The following HS1BP3 variants were observed in gnomAD, a reference collection of about 807,000 sequenced individuals.
The protein encoded by HS1BP3 is HCLS1-binding protein 3.
In HS1BP3, 32 loss-of-function variants were observed where a neutral mutation model predicts 33.5. That is an observed-to-expected ratio of 0.95 (90% confidence interval 0.72 to 1.28). The LOEUF (loss-of-function observed/expected upper bound fraction) is 1.28. Ranked by LOEUF, HS1BP3 falls within the 50% of genes most tolerant of loss-of-function variation. The pLI, the probability that HS1BP3 is intolerant of heterozygous loss-of-function variation, is 0.00. For missense variants in HS1BP3, 486 were observed against 502.3 expected, an observed-to-expected ratio of 0.97 and a Z score of 0.31; for synonymous variants, 187 against 209.2, an observed-to-expected ratio of 0.89 and a Z score of 0.92.
downstream of HS1BP3, among the ~76,000 whole-genome samples, chr2:20,559,918 G>C (rs143221229): frequency 8.7e-4 from 133 of 152,316 alleles, no homozygotes; most frequent in African/African-American, 3.1e-3. Context: ...CTCCTGAAAG[G>C]TCACAAGGCA....
rs555332265 is a variant in HS1BP3, at chr2:20,651,085, C to A, written c.-22G>T. ...GCATGACGGCGGCGGGGACTCCGGG[C>A]GGGGCGCGCAGTCACGGGACCCGGC... On this transcript the variant is annotated 5_prime_UTR_variant, in exon 1 of 7. Transcript: ENST00000304031. 3.4e-5 allele frequency: 42 copies of A among 1,229,554 alleles called. No homozygotes were observed. The highest frequency in any genetic ancestry group is 4.1e-5 in the Non-Finnish European group (40 of 986,428). 76.2% of individuals were successfully genotyped at this position (1,229,554 alleles called of 1,614,324 possible). A position where few individuals can be genotyped will look rare whatever the true frequency, so the allele number is the denominator to read the frequency against.
At position 20,638,628 on chromosome 2, in the gene HS1BP3, C is replaced by A. The variant is rs1695240331; in HGVS notation, c.431G>T (p.Gly144Val). Residue 144 changes from glycine to valine, a missense_variant, in exon 4 of 7, where the codon GGG becomes GTG. Physicochemically the swap from Gly to Val is moderately radical, Grantham distance 109. Transcript: ENST00000304031. ...FLGTRSPGAA[G>V]LTSRDSSVLD... Reference sequence around the variant, plus strand: ...GACAGAGGAATCTCTGCTGGTGAGCCCTGCAGCCCCTGGGGATCTGGTACC... The same window carrying A: ...GACAGAGGAATCTCTGCTGGTGAGCACTGCAGCCCCTGGGGATCTGGTACC... 1 of 1,613,886 alleles carries A rather than the reference C, an allele frequency of 6.2e-7. No individual in the cohort carries two copies. Among genetic ancestry groups the A allele is most frequent in the Non-Finnish European group, 8.5e-7 (1 of 1,179,958 alleles).
At chr2:20,616,863 G>A (rs973434796), downstream of HS1BP3, among the ~76,000 whole-genome samples, 3 of 152,266 alleles carry the variant, frequency 2.0e-5, no homozygotes, top group East Asian at 1.9e-4. Flanking sequence ...TTTATCAGGC[G>A]ACAAGGATCA....
chr2:20,623,495 C>A, intron 6 of HS1BP3: 2 of 156,322 alleles, frequency 1.3e-5, no homozygotes, highest in Non-Finnish European at 2.8e-5. Flanking sequence ...ATCACCAAGA[C>A]ATCTGCACTT....
chr2:20,609,626 T>C (rs1206889030), intron 2 of HS1BP3, among the ~76,000 whole-genome samples: 1 of 152,200 alleles, frequency 6.6e-6, no homozygotes, highest in East Asian at 1.9e-4. Context: ...TGAGCCACCA[T>C]GCAGTTAATT....
chr2:20,631,553 A>G (rs6531251), intron 4 of HS1BP3, among the ~76,000 whole-genome samples: 98 of 107,876 alleles, frequency 9.1e-4, no homozygotes, highest in Non-Finnish European at 1.3e-3. Context: ...AAAAAAAAAA[A>G]GGGGCCAGCC....
intron 3 of HS1BP3, chr2:20,640,214 T>A (rs1366960750): frequency 6.6e-6 from 1 of 152,298 alleles, no homozygotes; most frequent in East Asian, 1.9e-4. Context: ...GGGGCATCTG[T>A]GAGACCAGGG....
chr2:20,572,261 C>T (rs1263416048), intron 5 of HS1BP3, among the ~76,000 whole-genome samples: 1 of 152,206 alleles, frequency 6.6e-6, no homozygotes, highest in Non-Finnish European at 1.5e-5. Flanking sequence ...CTCCTTCCAG[C>T]TCAGAACACC....
At position 20,623,789 on chromosome 2, in the gene HS1BP3, C is replaced by G. The variant is rs538436579; in HGVS notation, c.920+107G>C. 5 of 1,294,898 alleles carry G rather than the reference C, an allele frequency of 3.9e-6. No individual in the cohort carries two copies. In the South Asian group the frequency reaches 4.7e-5, roughly 12 times the overall value. 80.2% of individuals were successfully genotyped at this position (1,294,898 alleles called of 1,614,324 possible). A position where few individuals can be genotyped will look rare whatever the true frequency, so the allele number is the denominator to read the frequency against. On this transcript the variant is annotated intron_variant, in intron 6 of 6. Transcript: ENST00000304031. ...CTTCTACTTTTCACAGGCCTGGGGT[C>G]CTCCCCTCAGAGGAGGCTGGGGCTG...
intron 2 of HS1BP3, among the ~76,000 whole-genome samples, chr2:20,598,702 G>A (rs1179606245): frequency 6.7e-6 from 1 of 150,088 alleles, no homozygotes; most frequent in Admixed American, 6.6e-5. Flanking sequence ...GGGACTACAG[G>A]CGCCCGCCAC....
At chr2:20,558,322 C>T (rs998245832), downstream of HS1BP3, among the ~76,000 whole-genome samples, 2 of 152,184 alleles carry the variant, frequency 1.3e-5, no homozygotes, top group African/African-American at 4.8e-5. Context: ...ACCTACTTGG[C>T]TTCCAGGGAG....
chr2:20,621,017 G>A (rs1029923183), intron 6 of HS1BP3, among the ~76,000 whole-genome samples: 1 of 152,266 alleles, frequency 6.6e-6, no homozygotes, highest in Non-Finnish European at 1.5e-5. Context: ...GGTGAGCCTG[G>A]CATGAATAGG....
chr2:20,645,313 A>T (rs780912661), intron 2 of HS1BP3, 27 bp downstream of exon 2: 1 of 1,603,018 alleles, frequency 6.2e-7, no homozygotes, highest in East Asian at 2.2e-5. Context: ...CACCCTCGAA[A>T]CATCCTGGCC....
At chr2:20,597,990 G>T (rs543147472) in intron 3 of HS1BP3, among the ~76,000 whole-genome samples, 1 of 152,262 alleles carries the variant, frequency 6.6e-6, no homozygotes, top group Admixed American at 6.5e-5. Context: ...AATCCTGGCT[G>T]GGTAGGTCAG....
chr2:20,648,028 T>C (rs1473777299), intron 1 of HS1BP3, among the ~76,000 whole-genome samples: 2 of 152,192 alleles, frequency 1.3e-5, no homozygotes, highest in Non-Finnish European at 2.9e-5. Context: ...CCTGGGACTG[T>C]AGACAAACTG....
chr2:20,593,894 A>G (rs1051806647), intron 3 of HS1BP3, among the ~76,000 whole-genome samples: 1 of 152,216 alleles, frequency 6.6e-6, no homozygotes, highest in Non-Finnish European at 1.5e-5. Flanking sequence ...GGGCTGCCCC[A>G]GGGCCTGCAA....
downstream of HS1BP3, among the ~76,000 whole-genome samples, chr2:20,589,382 G>A (rs910187263): frequency 6.6e-6 from 1 of 152,200 alleles, no homozygotes; most frequent in Non-Finnish European, 1.5e-5. Flanking sequence ...AAACCCCTGT[G>A]GAACATGACC....
intron 6 of HS1BP3, among the ~76,000 whole-genome samples, chr2:20,621,570 G>T (rs984019789): frequency 6.6e-6 from 1 of 152,236 alleles, no homozygotes; most frequent in Non-Finnish European, 1.5e-5. Context: ...CCCAGGGCAG[G>T]TGCCAGCTCC....
chr2:20,583,332 C>A (rs1043445420), intron 5 of HS1BP3, among the ~76,000 whole-genome samples: 2 of 151,432 alleles, frequency 1.3e-5, no homozygotes, highest in Non-Finnish European at 2.9e-5. Context: ...GGCTGGAGAG[C>A]CAGGCAGGAA....
Sources: gnomAD v4.1 joint callset for allele counts (sites outside exome capture counted in the v4.1 genomes callset) on GRCh38, gnomAD v4.1.1 for gene constraint, MANE v1.5 for transcripts, NCBI Gene and HGNC (gene_info 2026-07-23, HGNC 2026-07-21) for gene names.